The following TMPRSS9 variants were observed in gnomAD, a reference collection of about 807,000 sequenced individuals.
The protein encoded by TMPRSS9 is transmembrane protease serine 9.
In TMPRSS9, 113 loss-of-function variants were observed where a neutral mutation model predicts 111.4. That is an observed-to-expected ratio of 1.01 (90% CI 0.87 to 1.19). The LOEUF is 1.19. TMPRSS9 is among the 50% of genes most tolerant of loss of function. The probability of loss-of-function intolerance (pLI) is 0.00; values close to 1 mark genes in which losing one functional copy is unlikely to be tolerated. For synonymous variants in TMPRSS9, 805 were observed against 659.1 expected (o/e 1.22, Z -3.39); for missense variants, 1,803 against 1,513.1 (o/e 1.19, Z -3.18).
intron 9 of TMPRSS9, among the ~76,000 whole-genome samples, chr19:2,413,075 A>G (rs1441677800): frequency 6.6e-6 from 1 of 152,024 alleles, no homozygotes. Context: ...CGTGCCTATA[A>G]TCACAGCTAC....
chr19:2,395,964 C>T (rs1015004269), intron 1 of TMPRSS9, among the ~76,000 whole-genome samples: 1 of 152,132 alleles, frequency 6.6e-6, no homozygotes, highest in African/African-American at 2.4e-5. Flanking sequence ...GCCGAGATTG[C>T]GCCACCGCAC....
intron 1 of TMPRSS9, among the ~76,000 whole-genome samples, chr19:2,392,540 T>C (rs1372072483): frequency 6.6e-6 from 1 of 152,212 alleles, no homozygotes; most frequent in Admixed American, 6.6e-5. Context: ...ACCCTGTCTC[T>C]ACAAAAAATG....
chr19:2,418,065 T>G, exon 13 of TMPRSS9: 1 of 1,612,362 alleles, frequency 6.2e-7, no homozygotes, highest in Non-Finnish European at 8.5e-7. Context: ...ACCTGTAGTG[T>G]GCTCTACAAC....
exon 4 of TMPRSS9, chr19:2,399,149 T>A (rs1268740715): frequency 1.2e-6 from 2 of 1,612,206 alleles, no homozygotes; most frequent in Non-Finnish European, 1.7e-6. Flanking sequence ...GAGCACGGCA[T>A]CTCCCTGGCT....
At chr19:2,382,801 ACT>A (rs1970402665) in intron 1 of TMPRSS9, among the ~76,000 whole-genome samples, 1 of 152,144 alleles carries the variant, frequency 6.6e-6, no homozygotes, top group Non-Finnish European at 1.5e-5. Context: ...CCGCACACAG[ACT>A]CACACATGTA....
At chr19:2,392,570 G>A (rs967165696) in intron 1 of TMPRSS9, among the ~76,000 whole-genome samples, 8 of 152,158 alleles carry the variant, frequency 5.3e-5, no homozygotes, top group African/African-American at 1.7e-4. Flanking sequence ...AGCCAGGGCC[G>A]GGCGAAGCCA....
chr19:2,399,103 G>A, exon 4 of TMPRSS9: 2 of 1,613,692 alleles, frequency 1.2e-6, no homozygotes, highest in Non-Finnish European at 1.7e-6. Context: ...CCTGGAGGAG[G>A]AGCTATTGCA....
At chr19:2,369,267 T>A (rs200032592) in intron 1 of TMPRSS9, among the ~76,000 whole-genome samples, 2 of 92,258 alleles carry the variant, frequency 2.2e-5, no homozygotes, top group East Asian at 3.3e-4. Context: ...TAAAAAAAAT[T>A]TTTTTGTACC....
At chr19:2,421,739 C>A in intron 13 of TMPRSS9, 115 bp from the exon 15 acceptor site, 1 of 1,221,230 alleles carries the variant, frequency 8.2e-7, no homozygotes, top group Non-Finnish European at 1.1e-6. Context: ...GCGCTGTGCC[C>A]TCTGCCCCCC....
chr19:2,365,483 A>G (rs1241283684), intron 1 of TMPRSS9, among the ~76,000 whole-genome samples: 4 of 152,156 alleles, frequency 2.6e-5, no homozygotes, highest in Admixed American at 6.6e-5. Flanking sequence ...AAGAGAGGCC[A>G]TGGCGTAGAC....
intron 1 of TMPRSS9, among the ~76,000 whole-genome samples, chr19:2,382,641 C>CCACACATGCACACATA (rs1276061045): frequency 6.7e-6 from 1 of 150,324 alleles, no homozygotes; most frequent in African/African-American, 2.4e-5. Context: ...TACACACAGA[C>CCACACATGCACACATA]CACACATGCA....
At chr19:2,374,248 CTTTTTTTT>C (rs1027376774) in intron 1 of TMPRSS9, among the ~76,000 whole-genome samples, 1,279 of 70,064 alleles carry the variant, frequency 0.018, 18 homozygotes, top group Non-Finnish European at 0.022. Context: ...TCTCAACAAT[CTTTTTTTT>C]TTTTTTTTTT....
rs1331854626 is a variant in TMPRSS9 at position 2,418,662 on chromosome 19, CCTTT to C, written c.2154+526_2154+529del. Among the ~76,000 whole-genome samples the C allele has an allele frequency of 3.1e-3, 7 of 2,294 alleles. 1 individual carries two copies. The highest frequency in any genetic ancestry group is 0.018 in the East Asian group (1 of 56). The allele number at this position is 2,294 out of a possible 152,430, so 1.5% of individuals were successfully genotyped here. A position where few individuals can be genotyped will look rare whatever the true frequency, so the allele number is the denominator to read the frequency against. On this transcript the variant is annotated intron_variant, in intron 13 of 17. Coordinates refer to ENST00000648592, the Ensembl canonical transcript of TMPRSS9. Reference sequence around the variant, plus strand: ...TCCCTTTCCTTCCCTTCCCTCCCTACCTTTCCTTTCCTTCCCTCCCTCCCTTTCC... The same window carrying C: ...TCCCTTTCCTTCCCTTCCCTCCCTACCCTTTCCTTCCCTCCCTCCCTTTCC...
intron 1 of TMPRSS9, among the ~76,000 whole-genome samples, chr19:2,375,754 G>A (rs1970328594): frequency 6.6e-6 from 1 of 152,186 alleles, no homozygotes; most frequent in African/African-American, 2.4e-5. Context: ...CAGGGATGAG[G>A]TGGACCTTCA....
At chr19:2,414,563 A>C (rs574644812) in intron 10 of TMPRSS9, among the ~76,000 whole-genome samples, 18 of 151,832 alleles carry the variant, frequency 1.2e-4, no homozygotes, top group Admixed American at 1.2e-3. Flanking sequence ...TGTATTTTCA[A>C]ATAGTTTGTA....
intron 13 of TMPRSS9, among the ~76,000 whole-genome samples, chr19:2,420,600 C>A (rs1231523889): frequency 6.6e-6 from 1 of 151,722 alleles, no homozygotes; most frequent in Non-Finnish European, 1.5e-5. Flanking sequence ...TGGGAACCTA[C>A]CCAGCCCAAG....
At chr19:2,405,411 G>A in exon 7 of TMPRSS9, 1 of 1,606,766 alleles carries the variant, frequency 6.2e-7, no homozygotes, top group Non-Finnish European at 8.5e-7. Context: ...TGGCCGGCAG[G>A]ATCGTGGGCG....
chr19:2,425,890 AC>A, intron 17 of TMPRSS9, 36 bp from the exon 19 acceptor site: 1 of 1,554,362 alleles, frequency 6.4e-7, no homozygotes, highest in Non-Finnish European at 8.6e-7. Flanking sequence ...TAGGGGAGGT[AC>A]CGGCCTCTGA....
At chr19:2,384,961 GA>G (rs1158119626), upstream of TMPRSS9, among the ~76,000 whole-genome samples, 5 of 146,714 alleles carry the variant, frequency 3.4e-5, no homozygotes, top group Non-Finnish European at 6.0e-5. Flanking sequence ...CAGCCTGGGG[GA>G]CAGAGCCAAA....
Sources: allele counts gnomAD v4.1 joint callset (sites outside exome capture counted in the v4.1 genomes callset), GRCh38; gene constraint gnomAD v4.1.1; transcripts MANE v1.5; gene names NCBI Gene and HGNC (gene_info 2026-07-23, HGNC 2026-07-21).